The following CARNS1 variants were observed in gnomAD, a reference collection of about 807,000 sequenced individuals.
CARNS1 encodes ATP-grasp domain containing 1.
Under a neutral mutation model 74.0 loss-of-function variants are expected in CARNS1, and 61 were observed. The observed-to-expected ratio is 0.82, with a 90% CI of 0.67 to 1.02. CARNS1 has a LOEUF of 1.02. Among genes scored for constraint, CARNS1 ranks in the 50% least tolerant of loss-of-function variants. CARNS1 has a pLI of 0.00. For missense variants in CARNS1, 1,278 were observed against 1,308.4 expected (o/e 0.98, Z 0.36); for synonymous variants, 568 against 605.5 (o/e 0.94, Z 0.91).
chr11:67,417,586 T>C lies in CARNS1; in HGVS notation c.183T>C (p.Ala61=). The C allele has an allele frequency of 1.5e-6, 2 of 1,354,888 alleles. No individual in the cohort carries two copies. Among genetic ancestry groups the C allele is most frequent in the Non-Finnish European group, 1.9e-6 (2 of 1,054,142 alleles). The allele number at this position is 1,354,888 out of a possible 1,614,324, so 83.9% of individuals were successfully genotyped here. ...KGSPEGAEAR[A]WTVYYYSLLQ... is the part of the protein sequence containing the mutation. Reference sequence around the variant, plus strand: ...CCCCCGAGGGGGCCGAGGCCCGGGCTTGGACTGTCTACTACTACAGCCTCC... The same window carrying C: ...CCCCCGAGGGGGCCGAGGCCCGGGCCTGGACTGTCTACTACTACAGCCTCC... The change falls in exon 3 of 10, where the codon GCT becomes GCC. Residue 61 remains alanine, a synonymous_variant. Transcript: ENST00000687366.
chr11:67,417,707 C>T, intron 3 of CARNS1, 30 bp downstream of exon 3: 1 of 1,240,158 alleles, frequency 8.1e-7, no homozygotes, highest in African/African-American at 1.5e-5. Flanking sequence ...AGGGAGGCAC[C>T]TCTGGGGGCA....
chr11:67,423,423 C>T lies in CARNS1; in HGVS notation c.1675C>T (p.Gln559Ter), dbSNP rs766818377. Reference sequence around the variant, plus strand: ...CAACCACTTTGCATCCCAGTTGGTACAGACCTTCATCCACTTTGACATGAC... The same window carrying T: ...CAACCACTTTGCATCCCAGTTGGTATAGACCTTCATCCACTTTGACATGAC... ...DPNHFASQLV[Q>*]TFIHFDMTEH... The change falls in exon 10 of 10, where the codon CAG becomes TAG. Residue 559 changes from glutamine to a stop codon, truncating the protein, a stop_gained. Coordinates refer to ENST00000687366, the MANE Select transcript of CARNS1 (RefSeq NM_001166222.2). LOFTEE classifies it high-confidence loss of function. This position sits in a 1 kb window ranked among gnomAD's most constrained non-coding sequence, Gnocchi z 5.1. 4.3e-6 allele frequency: 7 copies of T among 1,613,640 alleles called. No individual in the cohort carries two copies. The East Asian group carries it at 1.6e-4, about 36-fold the overall frequency.
chr11:67,423,004 C>T lies in CARNS1; in HGVS notation c.1627-371C>T, dbSNP rs982943597. Reference sequence around the variant, plus strand: ...CCAAGCCCCAGCCCTGGTAGTTTCTCTGCAATCCCCGGCCAGTGAGGCTGC... The same window carrying T: ...CCAAGCCCCAGCCCTGGTAGTTTCTTTGCAATCCCCGGCCAGTGAGGCTGC... On this transcript the variant is annotated intron_variant, in intron 9 of 9. Coordinates refer to ENST00000687366, the MANE Select transcript of CARNS1 (RefSeq NM_001166222.2). This position sits in a 1 kb window ranked among gnomAD's most constrained non-coding sequence, Gnocchi z 5.1. Among the ~76,000 whole-genome samples, 10 of 152,232 alleles carry T rather than the reference C, an allele frequency of 6.6e-5. No homozygotes were observed. Among genetic ancestry groups the T allele is most frequent in the Non-Finnish European group, 1.0e-4 (7 of 68,036 alleles).
chr11:67,419,120 G>A lies in CARNS1; in HGVS notation c.729G>A (p.Arg243=), dbSNP rs907388873. ...AFTYKPPGLL[R]GGDASLGLRL... is the part of the protein sequence containing the mutation. ...CCTACAAGCCGCCGGGGCTGCTGCG[G>A]GGAGGGGATGCCAGCCTAGGGCTAC... The change falls in exon 5 of 10, where the codon CGG becomes CGA. Residue 243 remains arginine (R), a synonymous_variant. Transcript: ENST00000687366. The A allele has an allele frequency of 2.5e-6, 4 of 1,574,230 alleles. No individual in the cohort carries two copies. In the Admixed American group the frequency reaches 7.3e-5, roughly 29 times the overall value.
intron 2 of CARNS1, 132 bp downstream of exon 2, chr11:67,416,334 G>A: frequency 6.7e-7 from 1 of 1,487,724 alleles, no homozygotes; most frequent in Admixed American, 2.1e-5. Context: ...CCCACGACCA[G>A]CTCCCCCACC....
Position 67,421,064 on chromosome 11 carries a change from C to A in CARNS1, c.1471C>A (p.Pro491Thr). ...GCTGTGGGCCGCGCCGCGGCTGGGG[C>A]CGGCGGCCGACGAGGCGGTGGCGGC... ...EGLWAAPRLG[P>T]AADEAVAAPL... Residue 491 changes from proline (P) to threonine (T), a missense_variant, in exon 9 of 10, where the codon CCG (proline) becomes ACG (threonine). By Grantham distance (38) the Pro-to-Thr change is conservative. Coordinates refer to ENST00000687366, the MANE Select transcript of CARNS1 (RefSeq NM_001166222.2). The A allele has an allele frequency of 1.5e-6, 2 of 1,361,624 alleles. No individual in the cohort carries two copies. Among genetic ancestry groups the A allele is most frequent in the South Asian group, 1.8e-5 (1 of 55,540 alleles). The allele number at this position is 1,361,624 out of a possible 1,614,324, so 84.3% of individuals were successfully genotyped here.
intron 5 of CARNS1, 67 bp from the exon 6 acceptor site, chr11:67,419,420 C>G: frequency 6.4e-7 from 1 of 1,566,988 alleles, no homozygotes; most frequent in South Asian, 1.2e-5. Flanking sequence ...GCTCCTGTGG[C>G]GGAAGTGCCC....
intron 1 of CARNS1, 52 bp from the exon 2 acceptor site, chr11:67,416,124 A>T (rs1035457161): frequency 1.2e-5 from 13 of 1,115,552 alleles, no homozygotes; most frequent in Non-Finnish European, 1.4e-5. Flanking sequence ...CCAGGCAGGG[A>T]CTTGGCTGCC....
chr11:67,416,850 C>T (rs1565133843), intron 2 of CARNS1: 4 of 986,452 alleles, frequency 4.1e-6, no homozygotes, highest in Non-Finnish European at 4.8e-6. Flanking sequence ...TGTCTAGCCT[C>T]CTAATGTTTA....
In CARNS1 at chr11:67,425,155, G is replaced by A. The variant is rs1863801538; in HGVS notation, c.*554G>A. On this transcript the variant is annotated 3_prime_UTR_variant, in exon 10 of 10. Transcript: ENST00000687366. Reference sequence around the variant, plus strand: ...TGACCGGTAGAGGCAGGTGGCCTGTGGACAGAAGTAATCCTCTTTCTGCTC... The same window carrying A: ...TGACCGGTAGAGGCAGGTGGCCTGTAGACAGAAGTAATCCTCTTTCTGCTC... 2.2e-6 allele frequency: 1 copy of A among 447,814 alleles called. No homozygotes were observed. The highest frequency in any genetic ancestry group is 1.6e-5 in the South Asian group (1 of 63,980). The allele number at this position is 447,814 out of a possible 1,614,324, so 27.7% of individuals were successfully genotyped here.
At position 67,420,768 on chromosome 11, in the gene CARNS1, G is replaced by A; in HGVS notation, c.1273G>A (p.Ala425Thr). Residue 425 changes from alanine to threonine, a missense_variant, in exon 8 of 10, where the codon GCC (alanine) becomes ACC (threonine). Ala to Thr is a moderately conservative substitution (Grantham distance 58). Around this residue, in one of 3 missense-constraint regions of CARNS1, gnomAD observed 1,164 missense variants for 1,156.5 expected, o/e 1.01. Transcript: ENST00000687366. ...GGCGGCGGCCGAGGCCGCGCTGGCC[G>A]CCGTGCTGGCTCTGGAGGCCGGCCT... Reference protein sequence around the residue: ...VKAAAEAALAAVLALEAGLSA... With the variant: ...VKAAAEAALATVLALEAGLSA... 3 of 1,240,374 alleles carry A rather than the reference G, an allele frequency of 2.4e-6. No individual in the cohort carries two copies. The highest frequency in any genetic ancestry group is 2.0e-6 in the Non-Finnish European group (2 of 995,058). 76.8% of individuals were successfully genotyped at this position (1,240,374 alleles called of 1,614,324 possible). A position where few individuals can be genotyped will look rare whatever the true frequency, so the allele number is the denominator to read the frequency against.
At chr11:67,418,703 G>A in intron 4 of CARNS1, 53 bp from the exon 5 acceptor site, 1 of 1,501,830 alleles carries the variant, frequency 6.7e-7, no homozygotes, top group Admixed American at 2.1e-5. Context: ...CGGGGGCCCG[G>A]GCATAGGGCA....
chr11:67,419,111 G>T lies in CARNS1; in HGVS notation c.720G>T (p.Gly240=). 6.4e-7 allele frequency: 1 copy of T among 1,572,628 alleles called. No individual in the cohort carries two copies. The highest frequency in any genetic ancestry group is 8.6e-7 in the Non-Finnish European group (1 of 1,158,198). Residue 240 remains glycine, a synonymous_variant, in exon 5 of 10, where the codon GGG becomes GGT. Coordinates refer to ENST00000687366, the MANE Select transcript of CARNS1 (RefSeq NM_001166222.2). ...TGGCTTTCACCTACAAGCCGCCGGG[G>T]CTGCTGCGGGGAGGGGATGCCAGCC... The part of the protein sequence containing the change: ...ATLAFTYKPP[G]LLRGGDASLG...
chr11:67,419,388 T>C, intron 5 of CARNS1, 99 bp from the exon 6 acceptor site: 1 of 1,515,838 alleles, frequency 6.6e-7, no homozygotes, highest in Non-Finnish European at 8.9e-7. Flanking sequence ...TCCCCTGCCC[T>C]TTTGCCTCAG....
Position 67,424,828 on chromosome 11 carries a change from C to T in CARNS1, c.*227C>T, listed in dbSNP as rs1055697781. 1 of 633,042 alleles carries T rather than the reference C, an allele frequency of 1.6e-6. No homozygotes were observed. Among genetic ancestry groups the T allele is most frequent in the Non-Finnish European group, 2.8e-6 (1 of 351,570 alleles). 39.2% of individuals were successfully genotyped at this position (633,042 alleles called of 1,614,324 possible). On this transcript the variant is annotated 3_prime_UTR_variant, in exon 10 of 10. Coordinates refer to ENST00000687366, the MANE Select transcript of CARNS1 (RefSeq NM_001166222.2). Reference sequence around the variant, plus strand: ...AGGCCCCAGTCCAGCCTACAGCTTCCCCAGCATTCTAGCCTTGGAGAAATG... The same window carrying T: ...AGGCCCCAGTCCAGCCTACAGCTTCTCCAGCATTCTAGCCTTGGAGAAATG...
chr11:67,424,890 C>T lies in CARNS1; in HGVS notation c.*289C>T. On this transcript the variant is annotated 3_prime_UTR_variant, in exon 10 of 10. Coordinates refer to ENST00000687366, the MANE Select transcript of CARNS1 (RefSeq NM_001166222.2). ...ACACACACACACACACACACACACA[C>T]ACCTCTGACGCCAGCTCCCCAGGTG... is the stretch of plus-strand genomic sequence containing the variant. The T allele has an allele frequency of 1.6e-6, 1 of 624,118 alleles. No individual in the cohort carries two copies. Among genetic ancestry groups the T allele is most frequent in the Non-Finnish European group, 3.0e-6 (1 of 335,964 alleles). The allele number at this position is 624,118 out of a possible 1,614,324, so 38.7% of individuals were successfully genotyped here.
chr11:67,422,911 C>T (rs1372104610), intron 9 of CARNS1, among the ~76,000 whole-genome samples: 1 of 152,268 alleles, frequency 6.6e-6, no homozygotes, highest in Admixed American at 6.5e-5. Flanking sequence ...CGGGGCCCCA[C>T]TGGATTCCTC....
chr11:67,422,021 A>G (rs562224385), intron 9 of CARNS1, among the ~76,000 whole-genome samples: 1 of 151,706 alleles, frequency 6.6e-6, no homozygotes, highest in South Asian at 2.1e-4. Flanking sequence ...ACCTGGGACT[A>G]CAGGCGCCCG....
rs199632556 is a variant in CARNS1, at chr11:67,419,204, G to A, written c.813G>A (p.Glu271=). 7.6e-5 allele frequency: 115 copies of A among 1,503,876 alleles called. No individual in the cohort carries two copies. In the African/African-American group the frequency reaches 1.4e-3, roughly 18 times the overall value. The allele number at this position is 1,503,876 out of a possible 1,614,324, so 93.2% of individuals were successfully genotyped here. A position where few individuals can be genotyped will look rare whatever the true frequency, so the allele number is the denominator to read the frequency against. ...GQETLVKEEV[E]AFLRSEALGD... ...AGACGCTGGTGAAAGAGGAAGTGGA[G>A]GCTTTTCTGCGCTCCGAGGCCCTGG... The change falls in exon 5 of 10, where the codon GAG becomes GAA. Residue 271 remains glutamate, a synonymous_variant. Transcript: ENST00000687366.
Sources: gnomAD v4.1 joint callset for allele counts (sites outside exome capture counted in the v4.1 genomes callset) on GRCh38, gnomAD v4.1.1 for gene constraint, gnomAD v4.1.1 regional missense constraint, Gnocchi (gnomAD v3.1) non-coding constraint, MANE v1.5 for transcripts, NCBI Gene and HGNC (gene_info 2026-07-23, HGNC 2026-07-21) for gene names.